Variants in AUTS2 observed in about 807,000 individuals in gnomAD.
AUTS2 encodes the protein autism susceptibility gene 2 protein.
Under a neutral mutation model 112.4 loss-of-function variants are expected in AUTS2, and 17 were observed. The observed-to-expected ratio is 0.15, with a 90% CI of 0.10 to 0.23. The LOEUF (loss-of-function observed/expected upper bound fraction) is 0.23. AUTS2 is among the 10% of genes least tolerant of loss of function. The pLI, the probability that AUTS2 is intolerant of heterozygous loss-of-function variation, is 1.00. For missense variants in AUTS2, 1,510 were observed against 1,701.6 expected, an observed-to-expected ratio of 0.89 and a Z score of 1.98; for synonymous variants, 751 against 702.7, an observed-to-expected ratio of 1.07 and a Z score of -1.09.
In AUTS2 at chr7:70,511,561, CTTTT is replaced by C. The variant is rs3974587; in HGVS notation, c.690+75806_690+75809del. 1.3e-3 allele frequency among the ~76,000 whole-genome samples: 89 copies of C among 70,094 alleles called. 3 individuals carry two copies. Among genetic ancestry groups the C allele is most frequent in the African/African-American group, 4.3e-3 (73 of 16,802 alleles). 46.0% of individuals were successfully genotyped at this position (70,094 alleles called of 152,430 possible). On this transcript the variant is annotated intron_variant, in intron 5 of 18. Transcript: ENST00000342771. ...TTCATTTTAAACTTTTTTTCATTTT[CTTTT>C]TTTTTTTTTTTTTTTTTTTTTTTTT...
chr7:70,548,913 T>G lies in AUTS2; in HGVS notation c.690+113132T>G, dbSNP rs147091494. On this transcript the variant is annotated intron_variant, in intron 5 of 18. Transcript: ENST00000342771. ...TTCCATATACATTTTAGGATCATCT[T>G]GTCAATTTCTACCCCCCCCCCAAAA... is the stretch of plus-strand genomic sequence containing the variant. 3.2e-5 allele frequency among the ~76,000 whole-genome samples: 4 copies of G among 123,726 alleles called. No homozygotes were observed. The Admixed American group carries it at 3.9e-4, about 12-fold the overall frequency. 81.2% of individuals were successfully genotyped at this position (123,726 alleles called of 152,430 possible).
At chr7:69,661,069 C>CT (rs1429380689) in intron 1 of AUTS2, among the ~76,000 whole-genome samples, 1 of 152,172 alleles carries the variant, frequency 6.6e-6, no homozygotes, top group Non-Finnish European at 1.5e-5. Context: ...GGCGGCAAGT[C>CT]TTTTGCCCCT....
intron 2 of AUTS2, among the ~76,000 whole-genome samples, chr7:70,078,993 T>C (rs989896810): frequency 2.0e-5 from 3 of 152,198 alleles, no homozygotes; most frequent in African/African-American, 7.2e-5. Context: ...TCAGCTTCTT[T>C]TCTCGATTGG....
intron 4 of AUTS2, among the ~76,000 whole-genome samples, chr7:70,154,603 G>A (rs145690684): frequency 1.3e-3 from 201 of 152,038 alleles, no homozygotes; most frequent in African/African-American, 4.2e-3. Flanking sequence ...TTATTTTCTC[G>A]TCAGGGATTC....
chr7:70,117,117 G>GTTTTTTTTTTTTTTTTTTTTT (rs60488343), intron 2 of AUTS2, among the ~76,000 whole-genome samples: 1 of 73,102 alleles, frequency 1.4e-5, no homozygotes, highest in African/African-American at 5.8e-5. Context: ...TTTTTTTTTT[G>GTTTTTTTTTTTTTTTTTTTTT]TTTTTTTTTG....
chr7:70,660,365 A>G (rs1281485352), intron 5 of AUTS2, among the ~76,000 whole-genome samples: 1 of 152,150 alleles, frequency 6.6e-6, no homozygotes, highest in African/African-American at 2.4e-5. Context: ...ACTCTGTGCA[A>G]GCCCAGGGCC....
rs901856217 is a variant in AUTS2, at chr7:70,191,506, A to C, written c.660+56935A>C. Among the ~76,000 whole-genome samples, 106 of 152,296 alleles carry C rather than the reference A, an allele frequency of 7.0e-4. 1 individual carries two copies. The highest frequency in any genetic ancestry group is 7.3e-5 in the Non-Finnish European group (5 of 68,032). On this transcript the variant is annotated intron_variant, in intron 4 of 18. Transcript: ENST00000342771. ...TTAATGATGGGAAAACTGGTAATAC[A>C]AGACCAAATTTTTGTTTATACATCA...
intron 4 of AUTS2, among the ~76,000 whole-genome samples, chr7:70,141,423 A>G (rs1401772480): frequency 6.6e-6 from 1 of 152,168 alleles, no homozygotes; most frequent in Non-Finnish European, 1.5e-5. Context: ...AAGTTAGAAT[A>G]CGTAGTTAGA....
At chr7:70,245,543 T>G (rs540775484) in intron 4 of AUTS2, among the ~76,000 whole-genome samples, 1 of 152,344 alleles carries the variant, frequency 6.6e-6, no homozygotes, top group East Asian at 1.9e-4. Flanking sequence ...GCTTAGTTGC[T>G]GAGAATTGAC....
intron 1 of AUTS2, among the ~76,000 whole-genome samples, chr7:69,614,359 T>TCTTC (rs1793225100): frequency 1.2e-5 from 1 of 84,244 alleles, no homozygotes; most frequent in Admixed American, 1.2e-4. Flanking sequence ...TTTCTTTCTT[T>TCTTC]CTTTCTTTTT....
At chr7:70,522,612 A>G (rs1253445508) in intron 5 of AUTS2, among the ~76,000 whole-genome samples, 3 of 152,232 alleles carry the variant, frequency 2.0e-5, no homozygotes, top group African/African-American at 4.8e-5. Flanking sequence ...AGCTGTATCC[A>G]TATTGCTGCA....
chr7:70,125,594 C>T (rs1354354725), intron 3 of AUTS2, among the ~76,000 whole-genome samples: 2 of 152,132 alleles, frequency 1.3e-5, no homozygotes, highest in East Asian at 1.9e-4. Context: ...TTCTGTGATG[C>T]TGTCTCCTCC....
intron 1 of AUTS2, among the ~76,000 whole-genome samples, chr7:69,650,568 C>G (rs1179123788): frequency 6.6e-6 from 1 of 152,128 alleles, no homozygotes; most frequent in Non-Finnish European, 1.5e-5. Flanking sequence ...TCTCTCACTA[C>G]CAGGACCAGC....
intron 4 of AUTS2, among the ~76,000 whole-genome samples, chr7:70,400,304 A>C (rs1200003927): frequency 6.6e-6 from 1 of 152,178 alleles, no homozygotes; most frequent in Non-Finnish European, 1.5e-5. Context: ...AGACAGACAC[A>C]GAGTTGTAGG....
At chr7:70,760,536 T>A (rs1254875453) in intron 6 of AUTS2, among the ~76,000 whole-genome samples, 1 of 152,222 alleles carries the variant, frequency 6.6e-6, no homozygotes, top group Non-Finnish European at 1.5e-5. Flanking sequence ...ATGCCTTTGA[T>A]AATAGCTTGC....
At chr7:70,048,012 G>C (rs1801582940) in intron 2 of AUTS2, among the ~76,000 whole-genome samples, 1 of 152,170 alleles carries the variant, frequency 6.6e-6, no homozygotes, top group Non-Finnish European at 1.5e-5. Context: ...GTCTTGGCTA[G>C]AGGCTTACTT....
At chr7:69,615,593 G>A (rs1793330286) in intron 1 of AUTS2, among the ~76,000 whole-genome samples, 1 of 152,178 alleles carries the variant, frequency 6.6e-6, no homozygotes, top group Non-Finnish European at 1.5e-5. Context: ...GTGAGCCACT[G>A]CATCCGGCCT....
chr7:70,636,041 A>C (rs566865646), intron 5 of AUTS2, among the ~76,000 whole-genome samples: 10 of 152,220 alleles, frequency 6.6e-5, no homozygotes, highest in Non-Finnish European at 1.2e-4. Flanking sequence ...CTCTGGAAGA[A>C]GGAGTGATTT....
rs117570677 is a variant in AUTS2, at chr7:70,540,670, C to T, written c.690+104889C>T. 4.3e-4 allele frequency among the ~76,000 whole-genome samples: 65 copies of T among 152,240 alleles called. 1 individual carries two copies. In the East Asian group the frequency reaches 0.012, roughly 28 times the overall value. On this transcript the variant is annotated intron_variant, in intron 5 of 18. Coordinates refer to ENST00000342771, the MANE Select transcript of AUTS2 (RefSeq NM_015570.4). ...GGTGCTCACATCCTCCTGCAAGTAC[C>T]CTGTAGTGAGGCTTACTCTGAGGAT... is the stretch of plus-strand genomic sequence containing the variant.
Sources: gnomAD v4.1 joint callset for allele counts (sites outside exome capture counted in the v4.1 genomes callset) on GRCh38, gnomAD v4.1.1 for gene constraint, MANE v1.5 for transcripts, NCBI Gene and HGNC (gene_info 2026-07-23, HGNC 2026-07-21) for gene names.